CEP128: variants seen among roughly 807,000 people sequenced by gnomAD.
CEP128 encodes the protein centrosomal protein 128.
Under a neutral mutation model 156.7 loss-of-function variants are expected in CEP128, and 132 were observed. The ratio of observed to expected loss-of-function variants is 0.84; its 90% CI spans 0.73 to 0.97. The LOEUF (loss-of-function observed/expected upper bound fraction) is 0.97, where lower values mean the gene tolerates loss of function less well. Among genes scored for constraint, CEP128 ranks in the 50% least tolerant of loss-of-function variants. CEP128 has a pLI of 0.00. For missense variants in CEP128, 1,252 were observed against 1,281.9 expected, an observed-to-expected ratio of 0.98 and a Z score of 0.36; for synonymous variants, 469 against 448.9, an observed-to-expected ratio of 1.04 and a Z score of -0.57.
At chr14:80,914,482 A>G (rs1368498590) in intron 3 of CEP128, 74 bp from the exon 4 acceptor site, 5 of 1,059,774 alleles carry the variant, frequency 4.7e-6, no homozygotes, top group Non-Finnish European at 7.3e-6. Flanking sequence ...TAGTATGTCA[A>G]TCAACTAAGT....
At chr14:80,587,962 A>C (rs373638426) in intron 19 of CEP128, among the ~76,000 whole-genome samples, 77 of 152,118 alleles carry the variant, frequency 5.1e-4, no homozygotes, top group African/African-American at 1.9e-3. Context: ...CTAGACTCAT[A>C]AGGTCAACTG....
intron 15 of CEP128, among the ~76,000 whole-genome samples, 180 bp downstream of exon 15, chr14:80,784,715 G>A (rs983285782): frequency 1.3e-5 from 2 of 152,156 alleles, no homozygotes; most frequent in Non-Finnish European, 2.9e-5. Context: ...GCTCCCAGGT[G>A]GCTGTTATAA....
At chr14:80,758,257 C>T (rs1354698012) in intron 17 of CEP128, among the ~76,000 whole-genome samples, 2 of 152,208 alleles carry the variant, frequency 1.3e-5, no homozygotes, top group African/African-American at 4.8e-5. Flanking sequence ...CATGGTGGCT[C>T]ACGCCTGTAA....
At chr14:80,676,853 T>C (rs1015330913) in intron 19 of CEP128, among the ~76,000 whole-genome samples, 9 of 152,200 alleles carry the variant, frequency 5.9e-5, no homozygotes, top group African/African-American at 2.2e-4. Context: ...TTAAAATATA[T>C]TTGCAGATCT....
intron 13 of CEP128, among the ~76,000 whole-genome samples, chr14:80,807,053 A>G (rs1404834090): frequency 1.3e-5 from 2 of 152,302 alleles, no homozygotes; most frequent in East Asian, 3.9e-4. Flanking sequence ...TTTCAAAAAT[A>G]AATATTGTTT....
intron 23 of CEP128, among the ~76,000 whole-genome samples, chr14:80,520,281 T>G (rs922606755): frequency 6.6e-6 from 1 of 152,010 alleles, no homozygotes; most frequent in African/African-American, 2.4e-5. Flanking sequence ...TAGCCAGGCA[T>G]AGTGGCGCAT....
In CEP128 at chr14:80,785,512, G is replaced by T; in HGVS notation, c.1594C>A (p.Leu532Met). Residue 532 changes from leucine to methionine, a missense_variant, in exon 15 of 25, where the codon CTG (leucine) becomes ATG (methionine). Transcript: ENST00000555265. Reference protein sequence around the residue: ...LKEKDELKTQLYAALQQIENL... With the variant: ...LKEKDELKTQMYAALQQIENL... Reference sequence around the variant, plus strand: ...TCTATTTGTTGTAATGCTGCATACAGCTGGGTTTTCAATTCATCCTTTTCT... The same window carrying T: ...TCTATTTGTTGTAATGCTGCATACATCTGGGTTTTCAATTCATCCTTTTCT... The T allele has an allele frequency of 6.2e-7, 1 of 1,611,640 alleles. No homozygotes were observed.
chr14:80,671,183 T>C (rs187949064), intron 19 of CEP128, among the ~76,000 whole-genome samples: 109 of 152,276 alleles, frequency 7.2e-4, no homozygotes, highest in African/African-American at 2.4e-3. Context: ...TTTTGTCAGA[T>C]GGTAAGTTAT....
At chr14:80,616,858 A>C (rs2140625859) in intron 19 of CEP128, among the ~76,000 whole-genome samples, 1 of 152,342 alleles carries the variant, frequency 6.6e-6, no homozygotes, top group African/African-American at 2.4e-5. Context: ...TAGTTTAAAA[A>C]CAAAAAAAGA....
chr14:80,594,572 T>A (rs1224865395), intron 19 of CEP128, among the ~76,000 whole-genome samples: 3 of 152,140 alleles, frequency 2.0e-5, no homozygotes, highest in African/African-American at 7.2e-5. Context: ...AATCTCTCCA[T>A]CTGACAAAGG....
intron 16 of CEP128, among the ~76,000 whole-genome samples, chr14:80,764,112 A>C (rs1009780555): frequency 5.9e-5 from 9 of 152,232 alleles, no homozygotes; most frequent in African/African-American, 2.2e-4. Context: ...ATTAATAAGA[A>C]GACAAAACTA....
upstream of CEP128, among the ~76,000 whole-genome samples, chr14:80,946,508 AG>A (rs546270980): frequency 4.2e-3 from 635 of 152,226 alleles, 14 homozygotes; most frequent in Admixed American, 0.038. Flanking sequence ...TTCTAGATCT[AG>A]TTTCCTGAGC....
At chr14:80,837,593 T>C (rs1404071825) in intron 11 of CEP128, among the ~76,000 whole-genome samples, 1 of 152,168 alleles carries the variant, frequency 6.6e-6, no homozygotes. Flanking sequence ...GGCGCATGCC[T>C]GTAATCCCAG....
At chr14:80,630,453 TA>T (rs1448089492) in intron 19 of CEP128, among the ~76,000 whole-genome samples, 1 of 152,008 alleles carries the variant, frequency 6.6e-6, no homozygotes, top group Non-Finnish European at 1.5e-5. Flanking sequence ...TTCATTAAAA[TA>T]GTATTTATGG....
At chr14:80,671,737 T>G (rs1332588444) in intron 19 of CEP128, among the ~76,000 whole-genome samples, 3 of 152,142 alleles carry the variant, frequency 2.0e-5, no homozygotes, top group Non-Finnish European at 4.4e-5. Flanking sequence ...TTTCCTTTAA[T>G]GAGCCATGGA....
chr14:80,859,832 ACAG>A (rs1482981137), intron 9 of CEP128, among the ~76,000 whole-genome samples: 4 of 152,244 alleles, frequency 2.6e-5, no homozygotes, highest in African/African-American at 9.6e-5. Context: ...CCGTGAGATA[ACAG>A]CAGCAGATTT....
intron 13 of CEP128, among the ~76,000 whole-genome samples, chr14:80,801,164 A>G (rs1039864071): frequency 1.3e-5 from 2 of 152,228 alleles, no homozygotes; most frequent in Non-Finnish European, 2.9e-5. Context: ...TTCTAAATAT[A>G]AAATCATTTC....
chr14:80,781,204 T>C (rs1901087750), intron 15 of CEP128, among the ~76,000 whole-genome samples: 2 of 152,180 alleles, frequency 1.3e-5, no homozygotes, highest in South Asian at 4.1e-4. Flanking sequence ...ATGCCTGTCA[T>C]CCCAGCACTT....
chr14:80,590,546 A>C (rs1160548181), intron 19 of CEP128, among the ~76,000 whole-genome samples: 2 of 152,124 alleles, frequency 1.3e-5, no homozygotes, highest in African/African-American at 2.4e-5. Flanking sequence ...CATTCCTAGG[A>C]AGAAAAATTA....
Sources: allele counts gnomAD v4.1 joint callset (sites outside exome capture counted in the v4.1 genomes callset), GRCh38; gene constraint gnomAD v4.1.1; transcripts MANE v1.5; gene names NCBI Gene and HGNC (gene_info 2026-07-23, HGNC 2026-07-21).